Variants in RFTN1 observed in about 807,000 individuals in gnomAD.
The protein encoded by RFTN1 is raftlin, lipid raft linker 1.
Under a neutral mutation model 46.5 loss-of-function variants are expected in RFTN1, and 26 were observed. The observed-to-expected ratio is 0.56, with a 90% CI of 0.41 to 0.78. The LOEUF is 0.78. Ranked by LOEUF, RFTN1 falls within the 30% of genes least tolerant of loss-of-function variation. The probability of loss-of-function intolerance (pLI) is 0.00; values close to 1 mark genes in which losing one functional copy is unlikely to be tolerated. For synonymous variants in RFTN1, 261 were observed against 284.2 expected (o/e 0.92, Z 0.82); for missense variants, 693 against 718.7 (o/e 0.96, Z 0.41).
At chr3:16,364,867 T>TG (rs749316496) in intron 6 of RFTN1, among the ~76,000 whole-genome samples, 4 of 152,122 alleles carry the variant, frequency 2.6e-5, no homozygotes, top group Non-Finnish European at 5.9e-5. Flanking sequence ...GTGGTTACTC[T>TG]GGGGGGATAG....
intron 1 of RFTN1, among the ~76,000 whole-genome samples, chr3:16,510,017 C>T (rs555748532): frequency 8.5e-5 from 13 of 152,302 alleles, no homozygotes; most frequent in Admixed American, 2.6e-4. Flanking sequence ...TCAGCCAAGG[C>T]AAGCTTTGGC....
In RFTN1 at chr3:16,421,981, C is replaced by T. The variant is rs1040104382; in HGVS notation, c.332+11870G>A. ...ACATACACACCAAGCCAGGACACCA[C>T]CTTCAACCTGAATGCTAAATATTAT... On this transcript the variant is annotated intron_variant, in intron 3 of 9. Coordinates refer to ENST00000334133, the MANE Select transcript of RFTN1 (RefSeq NM_015150.2). This position sits in a 1 kb window ranked among gnomAD's most constrained non-coding sequence, Gnocchi z 4.6. Among the ~76,000 whole-genome samples, 2 of 152,132 alleles carry T rather than the reference C, an allele frequency of 1.3e-5. No homozygotes were observed. Among genetic ancestry groups the T allele is most frequent in the Non-Finnish European group, 2.9e-5 (2 of 68,034 alleles).
rs1046219129 is a variant in RFTN1 at position 16,338,336 on chromosome 3, G to A, written c.1147-11460C>T. On this transcript the variant is annotated intron_variant, in intron 7 of 9. Coordinates refer to ENST00000334133, the MANE Select transcript of RFTN1 (RefSeq NM_015150.2). This position sits in a 1 kb window ranked among gnomAD's most constrained non-coding sequence, Gnocchi z 5.3. Reference sequence around the variant, plus strand: ...GGGAAGGTAATGAGGCCGGACATGCGGCGGCTAAGGGGCGATGGCTGGGGC... The same window carrying A: ...GGGAAGGTAATGAGGCCGGACATGCAGCGGCTAAGGGGCGATGGCTGGGGC... Among the ~76,000 whole-genome samples, 1 of 152,218 alleles carries A rather than the reference G, an allele frequency of 6.6e-6. No homozygotes were observed. The highest frequency in any genetic ancestry group is 2.4e-5 in the African/African-American group (1 of 41,454).
rs1363989822 is a variant in RFTN1, at chr3:16,381,175, G to A, written c.442-3073C>T. Among the ~76,000 whole-genome samples, 2 of 152,168 alleles carry A rather than the reference G, an allele frequency of 1.3e-5. No individual in the cohort carries two copies. Among genetic ancestry groups the A allele is most frequent in the African/African-American group, 4.8e-5 (2 of 41,424 alleles). ...TCATACACTTTATTATGACAACTATGTAATACACATACATAAACTATGCAT... is the reference window on the plus strand; with the variant it reads ...TCATACACTTTATTATGACAACTATATAATACACATACATAAACTATGCAT... On this transcript the variant is annotated intron_variant, in intron 4 of 9. Transcript: ENST00000334133. This position sits in a 1 kb window ranked among gnomAD's most constrained non-coding sequence, Gnocchi z 4.2.
Position 16,434,055 on chromosome 3 carries a change from G to A in RFTN1, c.146-18C>T. ...GAGCTCCGCTGGAGTGGAGAGAGGA[G>A]AGGCTCATCAAAGACCCATCACAAC... On this transcript the variant is annotated intron_variant, in intron 2 of 9. Transcript: ENST00000334133. The A allele has an allele frequency of 1.9e-6, 3 of 1,559,342 alleles. No homozygotes were observed. The highest frequency in any genetic ancestry group is 1.7e-6 in the Non-Finnish European group (2 of 1,158,888).
chr3:16,378,785 C>T (rs1162551582), intron 4 of RFTN1, among the ~76,000 whole-genome samples: 3 of 98,052 alleles, frequency 3.1e-5, no homozygotes, highest in Admixed American at 1.0e-4. Flanking sequence ...TCTTGGCTCT[C>T]CAAGTCCTGG....
Position 16,403,816 on chromosome 3 carries a change from ATAT to A in RFTN1, c.441+5556_441+5558del, listed in dbSNP as rs1318697577. Among the ~76,000 whole-genome samples, 5 of 12,294 alleles carry A rather than the reference ATAT, an allele frequency of 4.1e-4. 1 individual carries two copies. The highest frequency in any genetic ancestry group is 1.1e-3 in the African/African-American group (2 of 1,842). 8.1% of individuals were successfully genotyped at this position (12,294 alleles called of 152,430 possible). A position where few individuals can be genotyped will look rare whatever the true frequency, so the allele number is the denominator to read the frequency against. On this transcript the variant is annotated intron_variant, in intron 4 of 9. Transcript: ENST00000334133. ...ATATATAATATATATTATATATTTT[ATAT>A]TATATTTATATATAAATATAATATA...
At position 16,483,556 on chromosome 3, in the gene RFTN1, CA is replaced by C. The variant is rs2076401616; in HGVS notation, c.145+10168del. ...CAGCTGGGCATGGGAACTTTTTAAA[CA>C]AACTTTGAGAATCATTGTGTCACCT... On this transcript the variant is annotated intron_variant, in intron 2 of 9. Coordinates refer to ENST00000334133, the MANE Select transcript of RFTN1 (RefSeq NM_015150.2). This position sits in a 1 kb window ranked among gnomAD's most constrained non-coding sequence, Gnocchi z 4.8. 6.6e-6 allele frequency among the ~76,000 whole-genome samples: 1 copy of C among 152,160 alleles called. No individual in the cohort carries two copies. The highest frequency in any genetic ancestry group is 2.4e-5 in the African/African-American group (1 of 41,434).
Position 16,329,497 on chromosome 3 carries a change from A to C in RFTN1, c.1147-2621T>G, listed in dbSNP as rs2070082999. On this transcript the variant is annotated intron_variant, in intron 7 of 9. Transcript: ENST00000334133. This position sits in a 1 kb window ranked among gnomAD's most constrained non-coding sequence, Gnocchi z 4.5. ...TTCCCTGAAGCCTCTATCAGGCCAG[A>C]GATGGCCCAGCAGTTGTGACCATCC... Among the ~76,000 whole-genome samples the C allele has an allele frequency of 6.6e-6, 1 of 152,192 alleles. No individual in the cohort carries two copies. Among genetic ancestry groups the C allele is most frequent in the Non-Finnish European group, 1.5e-5 (1 of 68,028 alleles).
Position 16,426,496 on chromosome 3 carries a change from TA to T in RFTN1, c.332+7354del, listed in dbSNP as rs1237370997. ...AATGTTCATATTATCTTGTAGGCTATAAAAAAAAGATAACATAATGCATTTG... is the reference window on the plus strand; with the variant it reads ...AATGTTCATATTATCTTGTAGGCTATAAAAAAAGATAACATAATGCATTTG... On this transcript the variant is annotated intron_variant, in intron 3 of 9. Transcript: ENST00000334133. This position sits in a 1 kb window ranked among gnomAD's most constrained non-coding sequence, Gnocchi z 5.9. Among the ~76,000 whole-genome samples the T allele has an allele frequency of 6.6e-6, 1 of 152,042 alleles. No homozygotes were observed.
Position 16,458,114 on chromosome 3 carries a change from T to G in RFTN1, c.146-24077A>C, listed in dbSNP as rs144613475. ...TGTGAGCAAAAAAAAATCTTTGTTC[T>G]TTATAAACTACCCAGTCTTGGGTAT... is the stretch of plus-strand genomic sequence containing the variant. On this transcript the variant is annotated intron_variant, in intron 2 of 9. Coordinates refer to ENST00000334133, the MANE Select transcript of RFTN1 (RefSeq NM_015150.2). This position sits in a 1 kb window ranked among gnomAD's most constrained non-coding sequence, Gnocchi z 5.1. Among the ~76,000 whole-genome samples the G allele has an allele frequency of 2.6e-4, 39 of 152,322 alleles. No homozygotes were observed. The East Asian group carries it at 7.3e-3, about 29-fold the overall frequency.
At chr3:16,408,788 AAG>A (rs2074920324) in intron 4 of RFTN1, among the ~76,000 whole-genome samples, 1 of 149,474 alleles carries the variant, frequency 6.7e-6, no homozygotes, top group Non-Finnish European at 1.5e-5. Flanking sequence ...AACACTGGGT[AAG>A]AGAGAACAAG....
At chr3:16,401,193 C>CG (rs1344313991) in intron 4 of RFTN1, among the ~76,000 whole-genome samples, 2 of 152,026 alleles carry the variant, frequency 1.3e-5, no homozygotes, top group Non-Finnish European at 2.9e-5. Context: ...CATGGTGGCT[C>CG]GCGCCTGTAA....
At position 16,344,090 on chromosome 3, in the gene RFTN1, T is replaced by A. The variant is rs933161272; in HGVS notation, c.1146+13842A>T. 2.0e-5 allele frequency among the ~76,000 whole-genome samples: 3 copies of A among 152,236 alleles called. No individual in the cohort carries two copies. The highest frequency in any genetic ancestry group is 7.2e-5 in the African/African-American group (3 of 41,464). On this transcript the variant is annotated intron_variant, in intron 7 of 9. Coordinates refer to ENST00000334133, the MANE Select transcript of RFTN1 (RefSeq NM_015150.2). The surrounding 1 kb of genome is among the most constrained non-coding windows in gnomAD (Gnocchi z 4.4). ...TGGAGGGAAGCAGTAGAGACATTCT[T>A]GGCCTGTATTAACTCTTTTTCATTG...
intron 7 of RFTN1, among the ~76,000 whole-genome samples, chr3:16,357,153 CA>C (rs936303579): frequency 4.3e-4 from 49 of 114,996 alleles, no homozygotes; most frequent in African/African-American, 1.3e-3. Context: ...AACAAACAAA[CA>C]AAAAAAACCA....
chr3:16,456,707 C>A (rs1372750092), intron 2 of RFTN1, among the ~76,000 whole-genome samples: 3 of 152,160 alleles, frequency 2.0e-5, no homozygotes, highest in African/African-American at 7.2e-5. Context: ...ATAAGAATAT[C>A]CAAGCACATA....
chr3:16,379,372 T>G (rs1202615949), intron 4 of RFTN1, among the ~76,000 whole-genome samples: 8 of 152,264 alleles, frequency 5.3e-5, no homozygotes, highest in African/African-American at 1.9e-4. Flanking sequence ...ATAGTAGTAA[T>G]TACTGTCTAC....
Position 16,452,521 on chromosome 3 carries a change from T to A in RFTN1, c.146-18484A>T, listed in dbSNP as rs2075837242. 1.3e-5 allele frequency among the ~76,000 whole-genome samples: 2 copies of A among 152,242 alleles called. No homozygotes were observed. Among genetic ancestry groups the A allele is most frequent in the African/African-American group, 4.8e-5 (2 of 41,460 alleles). Reference sequence around the variant, plus strand: ...AGCTCTGCACCTAATGATGGGCAGATGAACGTTTGTTTTCAATGAATTCAC... The same window carrying A: ...AGCTCTGCACCTAATGATGGGCAGAAGAACGTTTGTTTTCAATGAATTCAC... On this transcript the variant is annotated intron_variant, in intron 2 of 9. Transcript: ENST00000334133. This position sits in a 1 kb window ranked among gnomAD's most constrained non-coding sequence, Gnocchi z 6.3.
intron 2 of RFTN1, among the ~76,000 whole-genome samples, chr3:16,456,970 A>G (rs138281511): frequency 1.3e-5 from 2 of 152,352 alleles, no homozygotes; most frequent in African/African-American, 4.8e-5. Context: ...TGTCATAAAA[A>G]CAAACACTCT....
Sources: gnomAD v4.1 joint callset for allele counts (sites outside exome capture counted in the v4.1 genomes callset) on GRCh38, gnomAD v4.1.1 for gene constraint, Gnocchi (gnomAD v3.1) non-coding constraint, MANE v1.5 for transcripts, NCBI Gene and HGNC (gene_info 2026-07-23, HGNC 2026-07-21) for gene names.